The following TNFSF13B variants were observed in gnomAD, a reference collection of about 807,000 sequenced individuals.
The protein encoded by TNFSF13B is TNF superfamily member 13b, also known as tumor necrosis factor ligand superfamily member 13B.
A neutral mutation model predicts 29.1 loss-of-function variants in TNFSF13B; 8 were observed. The ratio of observed to expected loss-of-function variants is 0.27; its 90% CI spans 0.16 to 0.50. The LOEUF is 0.50. TNFSF13B is among the 20% of genes least tolerant of loss of function. The probability of loss-of-function intolerance (pLI) is 0.98; values close to 1 mark genes in which losing one functional copy is unlikely to be tolerated. For synonymous variants in TNFSF13B, 125 were observed against 130.8 expected (o/e 0.96, Z 0.30); for missense variants, 248 against 334.9 (o/e 0.74, Z 2.03).
intron 2 of TNFSF13B, among the ~76,000 whole-genome samples, chr13:108,276,120 C>T (rs1479220953): frequency 6.6e-6 from 1 of 152,194 alleles, no homozygotes; most frequent in Non-Finnish European, 1.5e-5. Context: ...TCTGGCTTAG[C>T]TGTGAGTTCC....
At chr13:108,282,758 A>G (rs1880992465) in intron 2 of TNFSF13B, among the ~76,000 whole-genome samples, 1 of 152,210 alleles carries the variant, frequency 6.6e-6, no homozygotes, top group South Asian at 2.1e-4. Flanking sequence ...TTATTACATC[A>G]TAATCCCCAG....
At chr13:108,276,369 CT>C (rs1200170166) in intron 2 of TNFSF13B, among the ~76,000 whole-genome samples, 1 of 152,208 alleles carries the variant, frequency 6.6e-6, no homozygotes, top group African/African-American at 2.4e-5. Context: ...TTCTGTTCAA[CT>C]TCTGGAAAAG....
intron 5 of TNFSF13B, among the ~76,000 whole-genome samples, chr13:108,306,039 C>A (rs1452302846): frequency 6.6e-6 from 1 of 152,128 alleles, no homozygotes; most frequent in Non-Finnish European, 1.5e-5. Context: ...CCTCCTCTTT[C>A]TTCTTCATAT....
intron 3 of TNFSF13B, among the ~76,000 whole-genome samples, chr13:108,300,828 C>G (rs1443437272): frequency 6.6e-6 from 1 of 152,198 alleles, no homozygotes; most frequent in African/African-American, 2.4e-5. Flanking sequence ...GCAAGAAGCA[C>G]AGGCCGACAA....
chr13:108,271,607 G>A (rs1169190300), intron 2 of TNFSF13B, among the ~76,000 whole-genome samples: 2 of 151,978 alleles, frequency 1.3e-5, no homozygotes, highest in Non-Finnish European at 2.9e-5. Context: ...CTTTATACTA[G>A]TTATCAGGAA....
At chr13:108,281,466 T>G (rs1470198205) in intron 2 of TNFSF13B, among the ~76,000 whole-genome samples, 1 of 152,190 alleles carries the variant, frequency 6.6e-6, no homozygotes, top group African/African-American at 2.4e-5. Flanking sequence ...CTTCACAATG[T>G]ATCTTAGATG....
intron 2 of TNFSF13B, among the ~76,000 whole-genome samples, chr13:108,274,450 C>A (rs887942589): frequency 2.0e-5 from 3 of 151,682 alleles, no homozygotes; most frequent in African/African-American, 7.3e-5. Flanking sequence ...AGTATACACA[C>A]TCATAACTTT....
chr13:108,284,729 A>G (rs1189345105), intron 2 of TNFSF13B, among the ~76,000 whole-genome samples: 3 of 152,218 alleles, frequency 2.0e-5, no homozygotes, highest in Non-Finnish European at 2.9e-5. Context: ...TGTGGAGGAA[A>G]GATGAGAGCT....
chr13:108,277,347 A>G (rs1209180895), intron 2 of TNFSF13B, among the ~76,000 whole-genome samples: 2 of 152,248 alleles, frequency 1.3e-5, no homozygotes, highest in African/African-American at 2.4e-5. Flanking sequence ...ACACATCTAA[A>G]TGATGACTTC....
At chr13:108,295,070 T>C (rs1269309218) in intron 3 of TNFSF13B, among the ~76,000 whole-genome samples, 1 of 145,894 alleles carries the variant, frequency 6.9e-6, no homozygotes, top group African/African-American at 2.6e-5. Flanking sequence ...TTTTCTTTAA[T>C]GATTTTATTA....
chr13:108,297,242 CA>C (rs1175714403), intron 3 of TNFSF13B, among the ~76,000 whole-genome samples: 1 of 145,734 alleles, frequency 6.9e-6, no homozygotes, highest in East Asian at 1.9e-4. Flanking sequence ...CAGTGTTTTT[CA>C]TTCAGTACTT....
At chr13:108,290,362 T>C (rs931163290) in intron 3 of TNFSF13B, among the ~76,000 whole-genome samples, 1 of 152,156 alleles carries the variant, frequency 6.6e-6, no homozygotes, top group East Asian at 1.9e-4. Context: ...ATCCGTAACT[T>C]CTCATATGTC....
At chr13:108,299,312 A>G (rs1371884258) in intron 3 of TNFSF13B, among the ~76,000 whole-genome samples, 2 of 145,040 alleles carry the variant, frequency 1.4e-5, no homozygotes, top group African/African-American at 5.2e-5. Flanking sequence ...GTAGTTCATA[A>G]TTTTCTCTTT....
At chr13:108,273,843 T>C (rs1460854573) in intron 2 of TNFSF13B, among the ~76,000 whole-genome samples, 1 of 152,162 alleles carries the variant, frequency 6.6e-6, no homozygotes, top group Non-Finnish European at 1.5e-5. Flanking sequence ...ACATTATAGT[T>C]GACCCTTGAA....
chr13:108,280,914 G>A (rs1302462911), intron 2 of TNFSF13B, among the ~76,000 whole-genome samples: 1 of 151,996 alleles, frequency 6.6e-6, no homozygotes, highest in Non-Finnish European at 1.5e-5. Flanking sequence ...GGCCGGGCGT[G>A]GTACCTCGGC....
chr13:108,304,798 T>C (rs1326334796), intron 5 of TNFSF13B, among the ~76,000 whole-genome samples: 1 of 152,162 alleles, frequency 6.6e-6, no homozygotes, highest in African/African-American at 2.4e-5. Flanking sequence ...ATGGAAATGA[T>C]GTCATTCTGG....
chr13:108,307,016 C>CAAAAAAAAAAAA lies in TNFSF13B; in HGVS notation c.*98_*109dup, dbSNP rs58093140. 7 of 76,688 alleles carry CAAAAAAAAAAAA rather than the reference C, an allele frequency of 9.1e-5. 1 individual carries two copies. Among genetic ancestry groups the CAAAAAAAAAAAA allele is most frequent in the South Asian group, 3.3e-4 (2 of 6,038 alleles). 4.8% of individuals were successfully genotyped at this position (76,688 alleles called of 1,614,324 possible). On this transcript the variant is annotated 3_prime_UTR_variant, in exon 6 of 6. Transcript: ENST00000375887. Reference sequence around the variant, plus strand: ...GAAGAAAGAATCTAACTGAAAATACCAAAAAAAAAAAAAAAAAAAAAAAAA... The same window carrying CAAAAAAAAAAAA: ...GAAGAAAGAATCTAACTGAAAATACCAAAAAAAAAAAAAAAAAAAAAAAAAAAAAAAAAAAAA...
chr13:108,300,042 A>G (rs1468650023), intron 3 of TNFSF13B, among the ~76,000 whole-genome samples: 4 of 152,204 alleles, frequency 2.6e-5, no homozygotes, highest in Non-Finnish European at 5.9e-5. Context: ...CTAAATTATT[A>G]TAAAATTTTA....
chr13:108,303,143 T>C lies in TNFSF13B; in HGVS notation c.482-110T>C, dbSNP rs549974961. The C allele has an allele frequency of 2.5e-5, 19 of 759,906 alleles. No individual in the cohort carries two copies. In the African/African-American group the frequency reaches 2.9e-4, roughly 11 times the overall value. The allele number at this position is 759,906 out of a possible 1,614,324, so 47.1% of individuals were successfully genotyped here. ...TTTTTTTCTTTCTTTCTTTCTTTTT[T>C]TTTTAGGATGGAATTATCTTCTAAG... is the stretch of plus-strand genomic sequence containing the variant. On this transcript the variant is annotated intron_variant, in intron 3 of 5. Coordinates refer to ENST00000375887, the MANE Select transcript of TNFSF13B (RefSeq NM_006573.5).
Sources: gnomAD v4.1 joint callset for allele counts (sites outside exome capture counted in the v4.1 genomes callset) on GRCh38, gnomAD v4.1.1 for gene constraint, MANE v1.5 for transcripts, NCBI Gene and HGNC (gene_info 2026-07-23, HGNC 2026-07-21) for gene names.